RPRD1B: variants seen among roughly 807,000 people sequenced by gnomAD.
RPRD1B encodes the protein regulation of nuclear pre-mRNA domain-containing protein 1B.
Under a neutral mutation model 41.5 loss-of-function variants are expected in RPRD1B, and 11 were observed. That is an observed-to-expected ratio of 0.27 (90% CI 0.17 to 0.44). The LOEUF (loss-of-function observed/expected upper bound fraction) is 0.44. Ranked by LOEUF, RPRD1B falls within the 20% of genes least tolerant of loss-of-function variation. RPRD1B has a pLI of 1.00. For synonymous variants in RPRD1B, 158 were observed against 155.6 expected, an observed-to-expected ratio of 1.02 and a Z score of -0.12; for missense variants, 248 against 389.9, an observed-to-expected ratio of 0.64 and a Z score of 3.06.
At chr20:38,060,199 G>A (rs1194117010) in intron 5 of RPRD1B, among the ~76,000 whole-genome samples, 1 of 152,202 alleles carries the variant, frequency 6.6e-6, no homozygotes, top group African/African-American at 2.4e-5. Context: ...GAGAAGATAG[G>A]TGTCTTGTCC....
intron 2 of RPRD1B, among the ~76,000 whole-genome samples, 173 bp downstream of exon 2, chr20:38,040,737 T>C (rs535753919): frequency 9.8e-5 from 15 of 152,354 alleles, no homozygotes; most frequent in Non-Finnish European, 1.5e-4. Flanking sequence ...TATCGAGACA[T>C]GTAAACATTC....
intron 4 of RPRD1B, among the ~76,000 whole-genome samples, chr20:38,058,102 C>CA (rs147000828): frequency 0.012 from 1,813 of 152,204 alleles, 34 homozygotes; most frequent in African/African-American, 0.042. Context: ...AGTCTTTACC[C>CA]ATGTGTTTGT....
rs373900410 is a variant in RPRD1B at position 38,043,499 on chromosome 20, C to T, written c.281+2935C>T. 3.3e-5 allele frequency among the ~76,000 whole-genome samples: 5 copies of T among 152,068 alleles called. No homozygotes were observed. In the East Asian group the frequency reaches 9.7e-4, roughly 29 times the overall value. ...TATATTCCAACATACATTTTTAAAA[C>T]ATCCCTCTTTAAAAATGGCTTAGTG... On this transcript the variant is annotated intron_variant, in intron 2 of 6. Transcript: ENST00000373433.
chr20:38,043,620 C>T (rs774349115), intron 2 of RPRD1B, among the ~76,000 whole-genome samples: 1 of 152,150 alleles, frequency 6.6e-6, no homozygotes, highest in Non-Finnish European at 1.5e-5. Flanking sequence ...GCCTAGGACT[C>T]AGAAGCAATG....
intron 3 of RPRD1B, among the ~76,000 whole-genome samples, chr20:38,050,232 T>C (rs1222533032): frequency 6.6e-6 from 1 of 152,238 alleles, no homozygotes; most frequent in Non-Finnish European, 1.5e-5. Context: ...CATTTTGCAG[T>C]GGGTAACTTT....
chr20:38,077,099 G>A (rs2074469782), intron 6 of RPRD1B, among the ~76,000 whole-genome samples: 1 of 151,494 alleles, frequency 6.6e-6, no homozygotes, highest in Non-Finnish European at 1.5e-5. Context: ...TGTATTTTTA[G>A]TAGAGACGGG....
intron 2 of RPRD1B, 140 bp from the exon 3 acceptor site, chr20:38,048,208 T>C: frequency 1.2e-6 from 1 of 821,562 alleles, no homozygotes; most frequent in Non-Finnish European, 1.8e-6. Context: ...TATCCAGGTA[T>C]TACAATATGT....
chr20:38,070,471 A>C, intron 6 of RPRD1B: 2 of 985,570 alleles, frequency 2.0e-6, no homozygotes, highest in Non-Finnish European at 2.4e-6. Flanking sequence ...TTCCAGCTTC[A>C]CTTCCAGAGC....
In RPRD1B at chr20:38,091,329, A is replaced by ACAGG; in HGVS notation, c.*1454_*1455insCAGG. ...TTTTACATGTTAAACACATTGAAAC[A>ACAGG]TAACCTATGTTTATAAAGCATAACG... On this transcript the variant is annotated 3_prime_UTR_variant, in exon 7 of 7. Transcript: ENST00000373433. 1.0e-6 allele frequency: 1 copy of ACAGG among 985,276 alleles called. No individual in the cohort carries two copies. Among genetic ancestry groups the ACAGG allele is most frequent in the Non-Finnish European group, 1.2e-6 (1 of 829,620 alleles). The allele number at this position is 985,276 out of a possible 1,614,324, so 61.0% of individuals were successfully genotyped here.
chr20:38,090,911 A>G lies in RPRD1B; in HGVS notation c.*1036A>G. On this transcript the variant is annotated 3_prime_UTR_variant, in exon 7 of 7. Coordinates refer to ENST00000373433, the MANE Select transcript of RPRD1B (RefSeq NM_021215.4). ...TCCGTCTGTCATGTCACGCCACTGC[A>G]CAGGTCCTTGTCCCCACACGACGGG... 4.1e-6 allele frequency: 4 copies of G among 985,212 alleles called. No homozygotes were observed. The African/African-American group carries it at 5.2e-5, about 13-fold the overall frequency. The allele number at this position is 985,212 out of a possible 1,614,324, so 61.0% of individuals were successfully genotyped here.
Position 38,066,191 on chromosome 20 carries a change from C to T in RPRD1B, c.766C>T (p.Arg256Trp), listed in dbSNP as rs368133890. 1.9e-6 allele frequency: 3 copies of T among 1,613,998 alleles called. No homozygotes were observed. The highest frequency in any genetic ancestry group is 1.3e-5 in the African/African-American group (1 of 74,870). Residue 256 changes from arginine to tryptophan, a missense_variant, in exon 6 of 7, where the codon CGG becomes TGG. This residue lies in a region of RPRD1B where 93 missense variants were observed against 167.2 expected (regional missense o/e 0.56). Transcript: ENST00000373433. ...ACTGGAGGACCGTCGCCAGCTGGCT[C>T]GGATGTTGGTGGAGTATACCCAGAA... ...AELEDRRQLARMLVEYTQNQK... is the reference protein window; with the variant it reads ...AELEDRRQLAWMLVEYTQNQK...
Position 38,090,268 on chromosome 20 carries a change from T to G in RPRD1B, c.*393T>G. On this transcript the variant is annotated 3_prime_UTR_variant, in exon 7 of 7. Transcript: ENST00000373433. The stretch of plus-strand genomic sequence containing the variant: ...TATCATGAAAGCAGCTTCTCCTTTC[T>G]GGGCTGGGCTTGTTCAAGTTCGGTG... 1.0e-6 allele frequency: 1 copy of G among 990,014 alleles called. No individual in the cohort carries two copies. Among genetic ancestry groups the G allele is most frequent in the Non-Finnish European group, 1.2e-6 (1 of 832,526 alleles). The allele number at this position is 990,014 out of a possible 1,614,324, so 61.3% of individuals were successfully genotyped here.
intron 5 of RPRD1B, among the ~76,000 whole-genome samples, chr20:38,061,313 C>T (rs1481754660): frequency 6.6e-6 from 1 of 152,190 alleles, no homozygotes; most frequent in East Asian, 1.9e-4. Flanking sequence ...ACCTGGCAAC[C>T]ACCATTCTTA....
chr20:38,078,021 A>T (rs1448816450), intron 6 of RPRD1B, among the ~76,000 whole-genome samples: 1 of 152,056 alleles, frequency 6.6e-6, no homozygotes, highest in South Asian at 2.1e-4. Flanking sequence ...ATCAAAAATT[A>T]AAAAATTAGC....
At position 38,091,892 on chromosome 20, in the gene RPRD1B, T is replaced by G. The variant is rs2074614933; in HGVS notation, c.*2017T>G. The G allele has an allele frequency of 1.0e-6, 1 of 985,740 alleles. No individual in the cohort carries two copies. The highest frequency in any genetic ancestry group is 1.2e-6 in the Non-Finnish European group (1 of 829,892). The allele number at this position is 985,740 out of a possible 1,614,324, so 61.1% of individuals were successfully genotyped here. A position where few individuals can be genotyped will look rare whatever the true frequency, so the allele number is the denominator to read the frequency against. On this transcript the variant is annotated 3_prime_UTR_variant, in exon 7 of 7. Transcript: ENST00000373433. ...CAGCAAAAGTTAAGAAATGAAACTGTAGCAATTATGTAAATGAATGTGTTG... is the reference window on the plus strand; with the variant it reads ...CAGCAAAAGTTAAGAAATGAAACTGGAGCAATTATGTAAATGAATGTGTTG...
At chr20:38,083,443 T>G (rs2074532673) in intron 6 of RPRD1B, among the ~76,000 whole-genome samples, 1 of 152,224 alleles carries the variant, frequency 6.6e-6, no homozygotes, top group Non-Finnish European at 1.5e-5. Flanking sequence ...CTTTTTTAGT[T>G]TTTTTTAGTT....
At chr20:38,058,092 A>G (rs1048719148) in intron 4 of RPRD1B, among the ~76,000 whole-genome samples, 1 of 152,060 alleles carries the variant, frequency 6.6e-6, no homozygotes, top group African/African-American at 2.4e-5. Context: ...ACAAGGAGTT[A>G]GTCTTTACCC....
intron 6 of RPRD1B, among the ~76,000 whole-genome samples, chr20:38,068,448 A>G (rs1406256459): frequency 6.6e-6 from 1 of 152,200 alleles, no homozygotes; most frequent in Admixed American, 6.5e-5. Context: ...GTTGGAGTGC[A>G]GTGACGTGAT....
At chr20:38,077,369 C>T (rs1054577583) in intron 6 of RPRD1B, among the ~76,000 whole-genome samples, 11 of 152,266 alleles carry the variant, frequency 7.2e-5, no homozygotes, top group South Asian at 2.1e-4. Context: ...AGTATGGCTG[C>T]GACAGACTGT....
Sources: allele counts gnomAD v4.1 joint callset (sites outside exome capture counted in the v4.1 genomes callset), GRCh38; gene constraint gnomAD v4.1.1; regional missense constraint gnomAD v4.1.1; transcripts MANE v1.5; gene names NCBI Gene and HGNC (gene_info 2026-07-23, HGNC 2026-07-21).